EYS: variants seen among roughly 807,000 people sequenced by gnomAD.
The protein encoded by EYS is EGF-like photoreceptor maintenance factor, also known as protein eyes shut homolog.
In EYS, 250 loss-of-function variants were observed where a neutral mutation model predicts 282.1. The observed-to-expected ratio is 0.89, with a 90% CI of 0.80 to 0.98. EYS has a LOEUF of 0.98. Among genes scored for constraint, EYS ranks in the 50% least tolerant of loss-of-function variants. The pLI, the probability that EYS is intolerant of heterozygous loss-of-function variation, is 0.00. For missense variants in EYS, 4,016 were observed against 3,709.0 expected (o/e 1.08, Z -2.15); for synonymous variants, 1,355 against 1,282.9 (o/e 1.06, Z -1.20).
intron 5 of EYS, among the ~76,000 whole-genome samples, chr6:65,473,229 G>C (rs1340970212): frequency 6.6e-6 from 1 of 151,868 alleles, no homozygotes; most frequent in South Asian, 2.1e-4. Flanking sequence ...ATAAATAATA[G>C]ATAAATTTGA....
intron 12 of EYS, among the ~76,000 whole-genome samples, chr6:65,106,670 C>T (rs542396932): frequency 7.2e-5 from 11 of 151,994 alleles, no homozygotes; most frequent in Non-Finnish European, 1.5e-4. Context: ...TTGAAATTGG[C>T]TTTTTAAAAT....
rs571358445 is a variant in EYS, at chr6:65,440,665, A to T, written c.863-35298T>A. ...TCATAAAGCTGACCATGTAAAGCTA[A>T]TTTTTTTTGTACTCACACCATATAC... is the stretch of plus-strand genomic sequence containing the variant. On this transcript the variant is annotated intron_variant, in intron 5 of 42. Coordinates refer to ENST00000503581, the MANE Select transcript of EYS (RefSeq NM_001142800.2). 9.0e-4 allele frequency among the ~76,000 whole-genome samples: 135 copies of T among 150,772 alleles called. 2 individuals are homozygous for T. The highest frequency in any genetic ancestry group is 2.6e-3 in the African/African-American group (109 of 41,256).
At chr6:65,271,610 T>A (rs1257562471) in intron 12 of EYS, among the ~76,000 whole-genome samples, 1 of 151,940 alleles carries the variant, frequency 6.6e-6, no homozygotes, top group Non-Finnish European at 1.5e-5. Flanking sequence ...TTAGTTGGAG[T>A]CTTGCTCTGT....
chr6:65,050,586 T>C (rs2150154203), intron 13 of EYS, among the ~76,000 whole-genome samples: 1 of 151,694 alleles, frequency 6.6e-6, no homozygotes, highest in Non-Finnish European at 1.5e-5. Flanking sequence ...TCCAGAACAT[T>C]AGAGATGGTT....
chr6:64,756,608 C>T (rs192610071), intron 22 of EYS, among the ~76,000 whole-genome samples: 2 of 152,230 alleles, frequency 1.3e-5, no homozygotes, highest in African/African-American at 4.8e-5. Flanking sequence ...AATTATATAT[C>T]TCCAACTTGT....
intron 31 of EYS, among the ~76,000 whole-genome samples, chr6:64,172,010 G>C (rs527838918): frequency 6.6e-6 from 1 of 152,204 alleles, no homozygotes; most frequent in East Asian, 1.9e-4. Context: ...ACCTACCCCT[G>C]GGTCAAAGGG....
intron 9 of EYS, among the ~76,000 whole-genome samples, chr6:65,349,131 G>A (rs115691221): frequency 0.022 from 3,323 of 151,456 alleles, 53 homozygotes; most frequent in Non-Finnish European, 0.03. Flanking sequence ...GGAGATGGCA[G>A]TTTTATTATA....
intron 18 of EYS, among the ~76,000 whole-genome samples, chr6:64,891,830 T>C (rs1767300927): frequency 6.6e-6 from 1 of 152,006 alleles, no homozygotes; most frequent in Non-Finnish European, 1.5e-5. Context: ...TCTTCTATCT[T>C]GAGAGAACAA....
At chr6:65,496,751 T>C (rs919877184) in intron 2 of EYS, among the ~76,000 whole-genome samples, 6 of 152,120 alleles carry the variant, frequency 3.9e-5, no homozygotes, top group Non-Finnish European at 8.8e-5. Context: ...TATGTTGGAT[T>C]AAAATTCAGG....
At chr6:63,800,337 G>A (rs1377873499) in intron 37 of EYS, among the ~76,000 whole-genome samples, 1 of 152,144 alleles carries the variant, frequency 6.6e-6, no homozygotes, top group Non-Finnish European at 1.5e-5. Context: ...CCACATCAGG[G>A]ACCATGCATT....
At chr6:65,374,479 G>T (rs1015335784) in intron 8 of EYS, among the ~76,000 whole-genome samples, 6 of 150,790 alleles carry the variant, frequency 4.0e-5, no homozygotes, top group Admixed American at 2.0e-4. Context: ...GGCTGTTGGG[G>T]CAGACACTGA....
intron 22 of EYS, among the ~76,000 whole-genome samples, chr6:64,728,099 GAGTGCAGGTGAACA>G (rs1562158237): frequency 6.6e-6 from 1 of 152,106 alleles, no homozygotes; most frequent in African/African-American, 2.4e-5. Context: ...TTGAGGAGGG[GAGTGCAGGTGAACA>G]GGTGCAGGAG....
intron 26 of EYS, among the ~76,000 whole-genome samples, chr6:64,464,741 T>C (rs919781681): frequency 2.0e-5 from 3 of 152,046 alleles, no homozygotes; most frequent in South Asian, 2.1e-4. Context: ...ATTGAACTTA[T>C]ACAAATAACT....
At chr6:63,983,407 CCT>C (rs1303014487) in intron 35 of EYS, among the ~76,000 whole-genome samples, 1 of 151,572 alleles carries the variant, frequency 6.6e-6, no homozygotes, top group African/African-American at 2.4e-5. Flanking sequence ...TCTGCCCAGT[CCT>C]CTGTTTCTTG....
chr6:65,106,255 T>C (rs1775033108), intron 12 of EYS, among the ~76,000 whole-genome samples: 1 of 151,982 alleles, frequency 6.6e-6, no homozygotes, highest in Non-Finnish European at 1.5e-5. Flanking sequence ...TAACATAACT[T>C]CCTTTCAATA....
At chr6:64,455,619 G>A (rs367977789) in intron 26 of EYS, among the ~76,000 whole-genome samples, 5 of 151,944 alleles carry the variant, frequency 3.3e-5, no homozygotes, top group African/African-American at 9.6e-5. Context: ...CAATCCTCCC[G>A]ACAAGACCTG....
chr6:65,443,183 A>G (rs1768450172), intron 5 of EYS, among the ~76,000 whole-genome samples: 1 of 151,522 alleles, frequency 6.6e-6, no homozygotes, highest in South Asian at 2.1e-4. Context: ...TGTGCACATC[A>G]TATACATATG....
intron 22 of EYS, among the ~76,000 whole-genome samples, chr6:64,651,412 A>G (rs1768555145): frequency 6.6e-6 from 1 of 152,234 alleles, no homozygotes; most frequent in Non-Finnish European, 1.5e-5. Flanking sequence ...ATTAGATTAG[A>G]GAGTAGATTC....
chr6:63,983,287 A>C (rs369397934), intron 35 of EYS, among the ~76,000 whole-genome samples: 50 of 151,846 alleles, frequency 3.3e-4, no homozygotes, highest in Admixed American at 7.2e-4. Flanking sequence ...ATTTCTAGAC[A>C]CTCTAAGAAA....
Sources: allele counts gnomAD v4.1 joint callset (sites outside exome capture counted in the v4.1 genomes callset), GRCh38; gene constraint gnomAD v4.1.1; transcripts MANE v1.5; gene names NCBI Gene and HGNC (gene_info 2026-07-23, HGNC 2026-07-21).